The following EPB41L3 variants were observed in gnomAD, a reference collection of about 807,000 sequenced individuals.
EPB41L3 encodes band 4.1-like protein 3.
Under a neutral mutation model 127.1 loss-of-function variants are expected in EPB41L3, and 57 were observed. The observed-to-expected ratio is 0.45, with a 90% CI of 0.36 to 0.56. EPB41L3 has a LOEUF of 0.56. Ranked by LOEUF, EPB41L3 falls within the 20% of genes least tolerant of loss-of-function variation. The pLI, the probability that EPB41L3 is intolerant of heterozygous loss-of-function variation, is 0.00. For synonymous variants in EPB41L3, 572 were observed against 549.5 expected (o/e 1.04, Z -0.57); for missense variants, 1,273 against 1,372.2 (o/e 0.93, Z 1.14).
chr18:5,402,537 T>C lies in EPB41L3; in HGVS notation c.2349+4240A>G, dbSNP rs1426048663. Among the ~76,000 whole-genome samples the C allele has an allele frequency of 3.9e-5, 6 of 152,116 alleles. No individual in the cohort carries two copies. In the South Asian group the frequency reaches 1.0e-3, roughly 26 times the overall value. ...CTTATAATTGAAAATATTAACAGTGTCTACATTCCAAACTGTGTATGTCCA... is the reference window on the plus strand; with the variant it reads ...CTTATAATTGAAAATATTAACAGTGCCTACATTCCAAACTGTGTATGTCCA... On this transcript the variant is annotated intron_variant, in intron 16 of 22. Coordinates refer to ENST00000341928, the MANE Select transcript of EPB41L3 (RefSeq NM_012307.5).
chr18:5,505,649 C>T (rs1413986278), intron 1 of EPB41L3, among the ~76,000 whole-genome samples: 1 of 147,400 alleles, frequency 6.8e-6, no homozygotes, highest in Admixed American at 6.7e-5. Context: ...TCCACCCCTA[C>T]CATCCACACC....
intron 1 of EPB41L3, among the ~76,000 whole-genome samples, chr18:5,619,058 C>T (rs79650763): frequency 6.6e-6 from 1 of 152,148 alleles, no homozygotes; most frequent in East Asian, 1.9e-4. Flanking sequence ...TTTACAACAC[C>T]ACACTGTAAT....
chr18:5,447,108 A>T lies in EPB41L3; in HGVS notation c.382-1864T>A, dbSNP rs1371315264. Among the ~76,000 whole-genome samples, 3 of 152,222 alleles carry T rather than the reference A, an allele frequency of 2.0e-5. No homozygotes were observed. The East Asian group carries it at 5.8e-4, about 29-fold the overall frequency. ...GACCTGGGAAGTAGCTTTAGAATCA[A>T]GTAAACCTGTGCTTGAATCTTCAGG... is the stretch of plus-strand genomic sequence containing the variant. On this transcript the variant is annotated intron_variant, in intron 3 of 22. Coordinates refer to ENST00000341928, the MANE Select transcript of EPB41L3 (RefSeq NM_012307.5).
intron 1 of EPB41L3, chr18:5,518,496 T>A (rs1426636773): frequency 2.0e-5 from 3 of 152,228 alleles, no homozygotes; most frequent in African/African-American, 7.2e-5. Context: ...TGTGCTGTAT[T>A]CACGTCTTGA....
At chr18:5,532,491 T>C (rs1451773801) in intron 1 of EPB41L3, among the ~76,000 whole-genome samples, 1 of 152,240 alleles carries the variant, frequency 6.6e-6, no homozygotes. Context: ...TGTATCTCAG[T>C]ACTTTGATGA....
intron 3 of EPB41L3, among the ~76,000 whole-genome samples, chr18:5,609,254 A>T (rs561282680): frequency 5.3e-5 from 8 of 152,316 alleles, no homozygotes; most frequent in Non-Finnish European, 1.0e-4. Context: ...GCCATGCTAA[A>T]CCCTTTAAGA....
intron 3 of EPB41L3, among the ~76,000 whole-genome samples, chr18:5,455,553 C>T (rs1246256102): frequency 6.6e-6 from 1 of 151,970 alleles, no homozygotes; most frequent in Non-Finnish European, 1.5e-5. Context: ...TGCGCAAACA[C>T]TTCAAGTACA....
At position 5,483,931 on chromosome 18, in the gene EPB41L3, A is replaced by G. The variant is rs112055600; in HGVS notation, c.183+5070T>C. Reference sequence around the variant, plus strand: ...ACATCCAGACAGAAAATCAACAAAGAAACAGTGGAGTTAAACTACACACTA... The same window carrying G: ...ACATCCAGACAGAAAATCAACAAAGGAACAGTGGAGTTAAACTACACACTA... On this transcript the variant is annotated intron_variant, in intron 2 of 22. Transcript: ENST00000341928. Among the ~76,000 whole-genome samples, 346 of 151,634 alleles carry G rather than the reference A, an allele frequency of 2.3e-3. 2 individuals carry two copies. Among genetic ancestry groups the G allele is most frequent in the African/African-American group, 7.8e-3 (324 of 41,348 alleles).
At chr18:5,508,983 G>C (rs899746712) in intron 1 of EPB41L3, among the ~76,000 whole-genome samples, 6 of 152,116 alleles carry the variant, frequency 3.9e-5, no homozygotes, top group African/African-American at 1.4e-4. Context: ...GTCTCTCATG[G>C]AAGTGTTACA....
chr18:5,397,522 G>T lies in EPB41L3; in HGVS notation c.2473-96C>A. On this transcript the variant is annotated intron_variant, in intron 17 of 22. Transcript: ENST00000341928. The surrounding 1 kb of genome is among the most constrained non-coding windows in gnomAD (Gnocchi z 4.1). ...CCACTCGCCAGGATGTCTAAAGCCA[G>T]CAGCAAGTGCTTATAACCAGAAACA... 1 of 1,415,928 alleles carries T rather than the reference G, an allele frequency of 7.1e-7. No individual in the cohort carries two copies. Among genetic ancestry groups the T allele is most frequent in the Non-Finnish European group, 9.5e-7 (1 of 1,056,690 alleles). The allele number at this position is 1,415,928 out of a possible 1,614,324, so 87.7% of individuals were successfully genotyped here.
intron 3 of EPB41L3, among the ~76,000 whole-genome samples, chr18:5,612,114 C>G (rs2094733566): frequency 6.7e-6 from 1 of 150,084 alleles, no homozygotes; most frequent in Non-Finnish European, 1.5e-5. Context: ...CCACTACTAT[C>G]AGAATGGTTT....
At chr18:5,615,704 C>G (rs1056984644) in intron 1 of EPB41L3, among the ~76,000 whole-genome samples, 7 of 152,170 alleles carry the variant, frequency 4.6e-5, no homozygotes, top group African/African-American at 1.7e-4. Flanking sequence ...TTCTCTGTCT[C>G]TTCTTTTTCT....
chr18:5,518,299 G>A lies in EPB41L3; in HGVS notation c.-12+25614C>T, dbSNP rs151199300. Among the ~76,000 whole-genome samples the A allele has an allele frequency of 1.0e-3, 157 of 151,894 alleles. 2 individuals are homozygous for A. The highest frequency in any genetic ancestry group is 3.5e-3 in the African/African-American group (143 of 41,416). ...CCTGCCACTCCCACCCTAGAGCCTC[G>A]CACTGTAATATTCTTCCTCAGACCG... On this transcript the variant is annotated intron_variant, in intron 1 of 22. Transcript: ENST00000341928.
chr18:5,566,788 T>TATTCTATTCTATTCTATTCC lies in EPB41L3; in HGVS notation c.-306+45551_-306+45552insGGAATAGAATAGAATAGAAT, dbSNP rs1555804087. Among the ~76,000 whole-genome samples, 34 of 112,524 alleles carry TATTCTATTCTATTCTATTCC rather than the reference T, an allele frequency of 3.0e-4. 1 individual carries two copies. Among genetic ancestry groups the TATTCTATTCTATTCTATTCC allele is most frequent in the South Asian group, 1.2e-3 (4 of 3,298 alleles). The allele number at this position is 112,524 out of a possible 152,430, so 73.8% of individuals were successfully genotyped here. ...TATTCTATTCTATTCTATTCTATTC[T>TATTCTATTCTATTCTATTCC]ATTCCATTCCATTCCATTCTAATTT... On this transcript the variant is annotated intron_variant, in intron 3 of 21. Transcript: ENST00000545076.
chr18:5,473,202 G>A (rs1184667262), intron 3 of EPB41L3, among the ~76,000 whole-genome samples: 2 of 152,082 alleles, frequency 1.3e-5, no homozygotes, highest in Non-Finnish European at 1.5e-5. Flanking sequence ...TGGAATACTA[G>A]CCCAGCATGG....
intron 1 of EPB41L3, among the ~76,000 whole-genome samples, chr18:5,530,983 G>A (rs535204106): frequency 1.3e-5 from 2 of 152,326 alleles, no homozygotes; most frequent in East Asian, 3.9e-4. Context: ...CGGAGGCACA[G>A]GCTGCAGAGC....
chr18:5,431,520 G>A (rs2079007018), intron 8 of EPB41L3: 1 of 152,252 alleles, frequency 6.6e-6, no homozygotes, highest in African/African-American at 2.4e-5. Flanking sequence ...ATTATTAAAT[G>A]AAAAGGCAGC....
At chr18:5,455,806 G>T (rs2082965094) in intron 3 of EPB41L3, among the ~76,000 whole-genome samples, 1 of 150,552 alleles carries the variant, frequency 6.6e-6, no homozygotes, top group Non-Finnish European at 1.5e-5. Flanking sequence ...ACACATACGA[G>T]ATGTTGGCAG....
chr18:5,614,681 A>AG (rs2094771554), intron 1 of EPB41L3, among the ~76,000 whole-genome samples: 1 of 151,456 alleles, frequency 6.6e-6, no homozygotes, highest in Admixed American at 6.6e-5. Flanking sequence ...TTAGGAAAAA[A>AG]CCCCACTTCC....
Sources: allele counts gnomAD v4.1 joint callset (sites outside exome capture counted in the v4.1 genomes callset), GRCh38; gene constraint gnomAD v4.1.1; non-coding constraint Gnocchi (gnomAD v3.1); transcripts MANE v1.5; gene names NCBI Gene and HGNC (gene_info 2026-07-23, HGNC 2026-07-21).